The following KTN1 variants were observed in gnomAD, a reference collection of about 807,000 sequenced individuals.
The protein encoded by KTN1 is kinectin.
A neutral mutation model predicts 222.5 loss-of-function variants in KTN1; 130 were observed. That is an observed-to-expected ratio of 0.58 (90% CI 0.51 to 0.68). The LOEUF is 0.68. Ranked by LOEUF, KTN1 falls within the 30% of genes least tolerant of loss-of-function variation. The pLI is 0.00. For synonymous variants in KTN1, 512 were observed against 496.3 expected, an observed-to-expected ratio of 1.03 and a Z score of -0.42; for missense variants, 1,508 against 1,500.4, an observed-to-expected ratio of 1.01 and a Z score of -0.08.
intron 43 of KTN1, chr14:55,681,171 A>T (rs1209912595): frequency 6.4e-6 from 1 of 156,528 alleles, no homozygotes; most frequent in African/African-American, 2.4e-5. Context: ...ATTTCAATGA[A>T]ATCATTTTTG....
chr14:55,675,564 A>C (rs528262294), intron 40 of KTN1: 10 of 300,550 alleles, frequency 3.3e-5, no homozygotes, highest in Middle Eastern at 9.3e-4. Flanking sequence ...TATCTTTAAA[A>C]GGTACTTTAC....
At position 55,671,947 on chromosome 14, in the gene KTN1, C is replaced by T. The variant is rs376900316; in HGVS notation, c.3531+70C>T. The stretch of plus-strand genomic sequence containing the variant: ...GGGCTTGAACCAGCAGCATCAGCAT[C>T]ACCATGCACATTCTTGGGCCCCAAC... On this transcript the variant is annotated intron_variant, in intron 37 of 43. Coordinates refer to ENST00000395314, the MANE Select transcript of KTN1 (RefSeq NM_001079521.2). The T allele has an allele frequency of 1.5e-5, 13 of 881,822 alleles. No homozygotes were observed. The African/African-American group carries it at 1.7e-4, about 11-fold the overall frequency. 54.6% of individuals were successfully genotyped at this position (881,822 alleles called of 1,614,324 possible). A position where few individuals can be genotyped will look rare whatever the true frequency, so the allele number is the denominator to read the frequency against.
chr14:55,664,070 C>T (rs770000295), intron 33 of KTN1, 29 bp downstream of exon 33: 6 of 1,440,100 alleles, frequency 4.2e-6, no homozygotes, highest in African/African-American at 2.8e-5. Context: ...AGAAACAATC[C>T]ACTGAACAGA....
chr14:55,652,896 G>GAAGAGA lies in KTN1; in HGVS notation c.2661_2666dup (p.Glu887_Lys888dup). 1 of 1,611,574 alleles carries GAAGAGA rather than the reference G, an allele frequency of 6.2e-7. No individual in the cohort carries two copies. ...GATGAATACCATGAAGGCTGTTTTGGAAGAGAAAGAGAAAGACCTAGCCAA... is the reference window on the plus strand; with the variant it reads ...GATGAATACCATGAAGGCTGTTTTGGAAGAGAAAGAGAAAGAGAAAGACCTAGCCAA... On this transcript the variant is annotated inframe_insertion, in exon 26 of 44. Transcript: ENST00000395314.
In KTN1 at chr14:55,651,945, C is replaced by G. The variant is rs1294299281; in HGVS notation, c.2603+18C>G. The G allele has an allele frequency of 6.7e-7, 1 of 1,485,010 alleles. No individual in the cohort carries two copies. Among genetic ancestry groups the G allele is most frequent in the Non-Finnish European group, 9.3e-7 (1 of 1,075,822 alleles). The allele number at this position is 1,485,010 out of a possible 1,614,324, so 92.0% of individuals were successfully genotyped here. On this transcript the variant is annotated intron_variant, in intron 25 of 43. Transcript: ENST00000395314. ...CAGAACTTGTAAGTACCATTTATCT[C>G]ATTTCCTTTTACTATTTCTTTTTCA... is the stretch of plus-strand genomic sequence containing the variant.
rs562825035 is a variant in KTN1, at chr14:55,661,763, C to T, written c.3090+151C>T. 1.9e-3 allele frequency: 793 copies of T among 422,206 alleles called. 2 individuals are homozygous for T. The highest frequency in any genetic ancestry group is 0.012 in the African/African-American group (564 of 48,028). The allele number at this position is 422,206 out of a possible 1,614,324, so 26.2% of individuals were successfully genotyped here. On this transcript the variant is annotated intron_variant, in intron 32 of 43. Coordinates refer to ENST00000395314, the MANE Select transcript of KTN1 (RefSeq NM_001079521.2). ...TTCTGTGTGTAGTTTTTTCGGGGGG[C>T]GGGGCATTATTGGAGAACAGTTTTT...
intron 31 of KTN1, among the ~76,000 whole-genome samples, chr14:55,660,004 G>C (rs34982220): frequency 0.35 from 53,759 of 151,954 alleles, 9,493 homozygotes; most frequent in South Asian, 0.38. Context: ...CTTCTATTAT[G>C]TCAGTTATCT....
rs1308362005 is a variant in KTN1 at position 55,612,046 on chromosome 14, A to G, written c.-3A>G. The G allele has an allele frequency of 1.4e-6, 2 of 1,429,196 alleles. No individual in the cohort carries two copies. Among genetic ancestry groups the G allele is most frequent in the Non-Finnish European group, 1.8e-6 (2 of 1,085,930 alleles). The allele number at this position is 1,429,196 out of a possible 1,614,324, so 88.5% of individuals were successfully genotyped here. ...TTTATAGGATCACATTGACAAAAGTACCATGGAGTTTTATGAGTCAGCATA... is the reference window on the plus strand; with the variant it reads ...TTTATAGGATCACATTGACAAAAGTGCCATGGAGTTTTATGAGTCAGCATA... On this transcript the variant is annotated 5_prime_UTR_variant, in exon 2 of 44. Transcript: ENST00000395314.
At chr14:55,623,527 T>C (rs370078264) in intron 5 of KTN1, among the ~76,000 whole-genome samples, 252 of 152,302 alleles carry the variant, frequency 1.7e-3, no homozygotes, top group African/African-American at 5.7e-3. Flanking sequence ...CCACAGGCAA[T>C]GCCTGGCTAG....
chr14:55,604,940 T>C (rs979080252), intron 1 of KTN1, among the ~76,000 whole-genome samples: 3 of 152,232 alleles, frequency 2.0e-5, no homozygotes, highest in Non-Finnish European at 2.9e-5. Context: ...CTCTTACTGC[T>C]GATTTTTCCC....
At chr14:55,677,412 G>A (rs1406304662) in intron 41 of KTN1, among the ~76,000 whole-genome samples, 1 of 151,250 alleles carries the variant, frequency 6.6e-6, no homozygotes, top group African/African-American at 2.4e-5. Flanking sequence ...GGGAGGCAGA[G>A]GTTGCAGTGA....
intron 24 of KTN1, chr14:55,651,676 A>G (rs1468418417): frequency 5.7e-6 from 3 of 522,390 alleles, no homozygotes; most frequent in Admixed American, 3.7e-5. Context: ...ATTCATAACT[A>G]TTTTCCTTGT....
chr14:55,672,646 C>T lies in KTN1; in HGVS notation c.3548C>T (p.Thr1183Ile). ...KTIKQMQSSF[T>I]SSEQELERLR... ...ACATTTCAGATGCAGTCATCATTTACATCTTCAGAACAAGAGCTAGAGCGA... is the reference window on the plus strand; with the variant it reads ...ACATTTCAGATGCAGTCATCATTTATATCTTCAGAACAAGAGCTAGAGCGA... The change falls in exon 38 of 44, where the codon ACA (threonine) becomes ATA (isoleucine). Residue 1183 changes from threonine (T) to isoleucine (I), a missense_variant. Coordinates refer to ENST00000395314, the MANE Select transcript of KTN1 (RefSeq NM_001079521.2). 6.2e-7 allele frequency: 1 copy of T among 1,605,466 alleles called. No homozygotes were observed. Among genetic ancestry groups the T allele is most frequent in the Non-Finnish European group, 8.5e-7 (1 of 1,172,782 alleles).
intron 3 of KTN1, 85 bp downstream of exon 3, chr14:55,616,739 T>C (rs1195003427): frequency 9.3e-7 from 1 of 1,080,426 alleles, no homozygotes; most frequent in East Asian, 2.5e-5. Context: ...ACACGCTCTT[T>C]AGCTCCCAGT....
chr14:55,639,362 C>CTT (rs369782699), intron 13 of KTN1, 140 bp downstream of exon 13: 361 of 351,008 alleles, frequency 1.0e-3, no homozygotes, highest in South Asian at 1.9e-3. Context: ...GCAACTTTTG[C>CTT]TTTTTTTTTT....
intron 19 of KTN1, among the ~76,000 whole-genome samples, chr14:55,647,488 C>T (rs1351229047): frequency 6.6e-6 from 1 of 151,460 alleles, no homozygotes; most frequent in Non-Finnish European, 1.5e-5. Flanking sequence ...ACAAAATTAG[C>T]CAGGCATGGT....
intron 8 of KTN1, 109 bp downstream of exon 8, chr14:55,633,450 ATT>A (rs1167941721): frequency 1.7e-6 from 1 of 573,002 alleles, no homozygotes; most frequent in Non-Finnish European, 2.9e-6. Context: ...GTGTTTTTAC[ATT>A]TGTTTCTAAA....
At chr14:55,590,033 C>T (rs925255036) in intron 1 of KTN1, among the ~76,000 whole-genome samples, 2 of 152,072 alleles carry the variant, frequency 1.3e-5, no homozygotes, top group Admixed American at 6.6e-5. Context: ...ACATACAAAC[C>T]TAGATATTTT....
At chr14:55,650,525 C>A in intron 23 of KTN1, 44 bp from the exon 24 acceptor site, 1 of 1,542,746 alleles carries the variant, frequency 6.5e-7, no homozygotes, top group Non-Finnish European at 8.9e-7. Flanking sequence ...ATGTCAATTT[C>A]TGTGTTTCCA....
Sources: allele counts gnomAD v4.1 joint callset (sites outside exome capture counted in the v4.1 genomes callset), GRCh38; gene constraint gnomAD v4.1.1; transcripts MANE v1.5; gene names NCBI Gene and HGNC (gene_info 2026-07-23, HGNC 2026-07-21).